MAGI2: variants seen among roughly 807,000 people sequenced by gnomAD.
MAGI2 encodes membrane associated guanylate kinase, WW and PDZ domain containing 2.
A neutral mutation model predicts 133.3 loss-of-function variants in MAGI2; 35 were observed. The ratio of observed to expected loss-of-function variants is 0.26; its 90% CI spans 0.20 to 0.35. MAGI2 has a LOEUF of 0.35. MAGI2 is among the 10% of genes least tolerant of loss of function. MAGI2 has a pLI of 1.00. For synonymous variants in MAGI2, 729 were observed against 710.6 expected (o/e 1.03, Z -0.41); for missense variants, 1,636 against 1,863.4 (o/e 0.88, Z 2.25).
intron 1 of MAGI2, among the ~76,000 whole-genome samples, chr7:79,192,002 G>A (rs2129551235): frequency 6.6e-6 from 1 of 151,732 alleles, no homozygotes; most frequent in South Asian, 2.1e-4. Flanking sequence ...CAGTCCTATG[G>A]CTAGTTGAAT....
chr7:78,546,456 C>T (rs1798848692), intron 3 of MAGI2, among the ~76,000 whole-genome samples: 1 of 152,030 alleles, frequency 6.6e-6, no homozygotes, highest in Non-Finnish European at 1.5e-5. Context: ...TAAAGAAAAG[C>T]ATAAGAAAGA....
intron 1 of MAGI2, among the ~76,000 whole-genome samples, chr7:79,228,301 C>A (rs924751269): frequency 7.6e-6 from 1 of 131,184 alleles, no homozygotes; most frequent in Non-Finnish European, 1.6e-5. Context: ...TATGATAACA[C>A]CACTGCACCC....
chr7:78,209,149 G>A lies in MAGI2; in HGVS notation c.2048-7956C>T, dbSNP rs1300037112. Among the ~76,000 whole-genome samples the A allele has an allele frequency of 5.5e-4, 43 of 77,638 alleles. 1 individual carries two copies. The highest frequency in any genetic ancestry group is 9.6e-4 in the African/African-American group (25 of 26,134). 50.9% of individuals were successfully genotyped at this position (77,638 alleles called of 152,430 possible). ...AGGCAGGAGAATGGCGTGAACCCGGGAGGCGGAGCTTGCAGTGAGCTGAGA... is the reference window on the plus strand; with the variant it reads ...AGGCAGGAGAATGGCGTGAACCCGGAAGGCGGAGCTTGCAGTGAGCTGAGA... On this transcript the variant is annotated intron_variant, in intron 10 of 21. Transcript: ENST00000354212.
At chr7:79,427,640 T>A (rs1295476913) in intron 1 of MAGI2, among the ~76,000 whole-genome samples, 1 of 152,108 alleles carries the variant, frequency 6.6e-6, no homozygotes, top group African/African-American at 2.4e-5. Flanking sequence ...ATAGCTAAGA[T>A]CCAATGCATA....
At chr7:79,240,714 A>T (rs1321277988) in intron 1 of MAGI2, among the ~76,000 whole-genome samples, 2 of 152,198 alleles carry the variant, frequency 1.3e-5, no homozygotes, top group African/African-American at 4.8e-5. Context: ...CTTTGCATAT[A>T]CTTGAAGGAC....
chr7:78,404,184 G>C (rs1217616769), intron 6 of MAGI2, among the ~76,000 whole-genome samples: 1 of 152,134 alleles, frequency 6.6e-6, no homozygotes, highest in Non-Finnish European at 1.5e-5. Flanking sequence ...CAAACAAATA[G>C]AAGAACATTC....
intron 2 of MAGI2, among the ~76,000 whole-genome samples, chr7:78,782,293 G>A (rs762925204): frequency 1.3e-5 from 2 of 152,190 alleles, no homozygotes; most frequent in South Asian, 2.1e-4. Flanking sequence ...TCATGGGCAA[G>A]GGCGATTTGA....
At chr7:79,325,808 T>C (rs1479673180) in intron 1 of MAGI2, among the ~76,000 whole-genome samples, 1 of 152,156 alleles carries the variant, frequency 6.6e-6, no homozygotes, top group African/African-American at 2.4e-5. Flanking sequence ...GCAACATTCA[T>C]AGGAAGGCAT....
chr7:78,530,160 G>A (rs1023543315), intron 3 of MAGI2, among the ~76,000 whole-genome samples: 3 of 151,960 alleles, frequency 2.0e-5, no homozygotes, highest in East Asian at 1.9e-4. Flanking sequence ...ACAATAAACC[G>A]AACATCTCTG....
At position 78,728,880 on chromosome 7, in the gene MAGI2, C is replaced by A. The variant is rs999348907; in HGVS notation, c.419-101641G>T. Among the ~76,000 whole-genome samples the A allele has an allele frequency of 1.3e-5, 2 of 151,996 alleles. 1 individual carries two copies. The highest frequency in any genetic ancestry group is 2.9e-5 in the Non-Finnish European group (2 of 68,010). On this transcript the variant is annotated intron_variant, in intron 2 of 21. Transcript: ENST00000354212. ...GCGCCCGGCCCCATCTTTCTCTGAT[C>A]TTTTTATATCTGAAAAAATGATTCA...
chr7:78,120,808 C>T (rs946460750), intron 20 of MAGI2, among the ~76,000 whole-genome samples: 7 of 150,406 alleles, frequency 4.7e-5, no homozygotes, highest in East Asian at 2.0e-4. Context: ...GAGACCATCC[C>T]GGCTAAAACG....
chr7:79,258,951 C>T (rs1057452685), intron 1 of MAGI2, among the ~76,000 whole-genome samples: 2 of 152,208 alleles, frequency 1.3e-5, no homozygotes, highest in Admixed American at 6.5e-5. Context: ...AGGATTTACA[C>T]ACTCATTCTC....
intron 1 of MAGI2, among the ~76,000 whole-genome samples, chr7:79,275,337 A>C (rs1172517018): frequency 6.6e-6 from 1 of 152,198 alleles, no homozygotes; most frequent in Non-Finnish European, 1.5e-5. Flanking sequence ...AGTTGTCTGG[A>C]TAGATCAAAC....
At chr7:78,886,856 C>T (rs146187141) in intron 2 of MAGI2, among the ~76,000 whole-genome samples, 128 of 152,214 alleles carry the variant, frequency 8.4e-4, no homozygotes, top group Middle Eastern at 6.8e-3. Flanking sequence ...GTCCAAATCT[C>T]ATCTTGAATA....
At chr7:78,522,925 A>C (rs1258074230) in intron 3 of MAGI2, among the ~76,000 whole-genome samples, 1 of 152,196 alleles carries the variant, frequency 6.6e-6, no homozygotes, top group Non-Finnish European at 1.5e-5. Context: ...GGATGAATAC[A>C]ATAAAATCCT....
At chr7:79,448,497 C>T (rs967796615) in intron 1 of MAGI2, among the ~76,000 whole-genome samples, 2 of 152,052 alleles carry the variant, frequency 1.3e-5, no homozygotes, top group Non-Finnish European at 2.9e-5. Flanking sequence ...AGACACTACA[C>T]ACTTTAAATA....
chr7:78,865,664 A>T (rs1389678712), intron 2 of MAGI2, among the ~76,000 whole-genome samples: 2 of 152,222 alleles, frequency 1.3e-5, no homozygotes, highest in Non-Finnish European at 2.9e-5. Context: ...TGTTCAAAGC[A>T]AAGTGCTCTA....
At chr7:78,818,059 G>T (rs1789766179) in intron 2 of MAGI2, among the ~76,000 whole-genome samples, 1 of 152,100 alleles carries the variant, frequency 6.6e-6, no homozygotes. Context: ...GTAAAATTCA[G>T]CAATGTGCCA....
At chr7:78,846,347 A>G (rs1186596946) in intron 2 of MAGI2, among the ~76,000 whole-genome samples, 1 of 151,966 alleles carries the variant, frequency 6.6e-6, no homozygotes, top group African/African-American at 2.4e-5. Flanking sequence ...GCAATTTTTA[A>G]CACACTATTC....
Sources: gnomAD v4.1 joint callset for allele counts (sites outside exome capture counted in the v4.1 genomes callset) on GRCh38, gnomAD v4.1.1 for gene constraint, MANE v1.5 for transcripts, NCBI Gene and HGNC (gene_info 2026-07-23, HGNC 2026-07-21) for gene names.